PARD3: variants seen among roughly 807,000 people sequenced by gnomAD.
The protein encoded by PARD3 is par-3 family cell polarity regulator, also known as partitioning defective 3 homolog.
Under a neutral mutation model 155.4 loss-of-function variants are expected in PARD3, and 75 were observed. The observed-to-expected ratio is 0.48, with a 90% CI of 0.40 to 0.58. The LOEUF (loss-of-function observed/expected upper bound fraction) is 0.58. Ranked by LOEUF, PARD3 falls within the 20% of genes least tolerant of loss-of-function variation. The pLI, the probability that PARD3 is intolerant of heterozygous loss-of-function variation, is 0.00. For missense variants in PARD3, 1,642 were observed against 1,721.7 expected (o/e 0.95, Z 0.82); for synonymous variants, 576 against 610.5 (o/e 0.94, Z 0.83).
chr10:34,680,959 A>G (rs2133332473), intron 2 of PARD3, among the ~76,000 whole-genome samples: 1 of 151,304 alleles, frequency 6.6e-6, no homozygotes, highest in Non-Finnish European at 1.5e-5. Flanking sequence ...CAATGTGCAC[A>G]TGTACCCTAA....
intron 12 of PARD3, among the ~76,000 whole-genome samples, chr10:34,366,202 T>C (rs915034747): frequency 2.6e-5 from 4 of 152,198 alleles, no homozygotes; most frequent in Non-Finnish European, 4.4e-5. Context: ...CTTTTGATGG[T>C]GCCCATGAAA....
intron 7 of PARD3, among the ~76,000 whole-genome samples, chr10:34,395,880 C>T (rs1249071680): frequency 6.7e-6 from 1 of 150,266 alleles, no homozygotes; most frequent in Non-Finnish European, 1.5e-5. Flanking sequence ...AAAACATCAT[C>T]ATGGGGAAGA....
chr10:34,357,726 A>G (rs1327909593), intron 14 of PARD3, among the ~76,000 whole-genome samples: 1 of 152,170 alleles, frequency 6.6e-6, no homozygotes, highest in African/African-American at 2.4e-5. Flanking sequence ...CCACTCTGAG[A>G]TTTTTTAGTT....
chr10:34,532,552 A>G (rs1175589978), intron 2 of PARD3, among the ~76,000 whole-genome samples: 1 of 152,212 alleles, frequency 6.6e-6, no homozygotes. Flanking sequence ...CACTTTGTTA[A>G]TCTAATAAAG....
At chr10:34,575,025 C>T (rs545532081) in intron 2 of PARD3, among the ~76,000 whole-genome samples, 1 of 152,256 alleles carries the variant, frequency 6.6e-6, no homozygotes, top group East Asian at 1.9e-4. Context: ...CAGGGTCCTA[C>T]TCCGTCACCC....
chr10:34,545,002 T>C (rs1351204650), intron 2 of PARD3, among the ~76,000 whole-genome samples: 2 of 152,156 alleles, frequency 1.3e-5, no homozygotes, highest in African/African-American at 4.8e-5. Context: ...ACTCAATAAA[T>C]TGCCAAAGAA....
At chr10:34,699,864 G>C (rs1377305744) in intron 1 of PARD3, among the ~76,000 whole-genome samples, 10 of 152,102 alleles carry the variant, frequency 6.6e-5, no homozygotes, top group Admixed American at 6.5e-4. Context: ...AACAGAGTGA[G>C]GCCCCGTCTC....
intron 2 of PARD3, among the ~76,000 whole-genome samples, chr10:34,527,826 G>C (rs1316922327): frequency 6.6e-6 from 1 of 152,050 alleles, no homozygotes; most frequent in African/African-American, 2.4e-5. Flanking sequence ...CCCACCCAGG[G>C]GCAAAGATGA....
chr10:34,648,971 T>C (rs189711222), intron 2 of PARD3, among the ~76,000 whole-genome samples: 27 of 152,276 alleles, frequency 1.8e-4, no homozygotes, highest in Admixed American at 5.9e-4. Context: ...GTTTTAAATA[T>C]GGCTGTGGAG....
intron 22 of PARD3, among the ~76,000 whole-genome samples, chr10:34,253,970 G>A (rs1414918762): frequency 2.6e-5 from 4 of 152,120 alleles, no homozygotes; most frequent in East Asian, 3.9e-4. Context: ...GAAGTTACTC[G>A]GTGGGTACAG....
chr10:34,170,264 T>G (rs1257238046), intron 22 of PARD3, among the ~76,000 whole-genome samples: 3 of 152,086 alleles, frequency 2.0e-5, no homozygotes, highest in Non-Finnish European at 4.4e-5. Context: ...ATTTTAAAAT[T>G]TCTTGTAGAG....
intron 2 of PARD3, among the ~76,000 whole-genome samples, chr10:34,691,670 C>T (rs1365945564): frequency 6.6e-6 from 1 of 152,210 alleles, no homozygotes; most frequent in Non-Finnish European, 1.5e-5. Flanking sequence ...CTGGAGGCAT[C>T]ACATTACCCA....
chr10:34,777,129 G>A (rs896282079), intron 1 of PARD3, among the ~76,000 whole-genome samples: 3 of 151,622 alleles, frequency 2.0e-5, no homozygotes, highest in Admixed American at 2.0e-4. Context: ...GGGACTACAG[G>A]CGTGAGCCAC....
At chr10:34,590,446 G>A (rs1317209581) in intron 2 of PARD3, among the ~76,000 whole-genome samples, 5 of 152,168 alleles carry the variant, frequency 3.3e-5, no homozygotes, top group African/African-American at 1.2e-4. Context: ...AGCATTCACT[G>A]AAAACTGTAA....
chr10:34,411,662 T>G (rs1845069186), intron 5 of PARD3, among the ~76,000 whole-genome samples: 1 of 152,012 alleles, frequency 6.6e-6, no homozygotes, highest in African/African-American at 2.4e-5. Flanking sequence ...CTTTTCAGAC[T>G]TCATAATCAC....
chr10:34,605,980 CTATATATATATATCTCCTA>C (rs1352467860), intron 2 of PARD3, among the ~76,000 whole-genome samples: 22 of 912 alleles, frequency 0.024, 2 homozygotes, highest in Non-Finnish European at 0.033. Context: ...TCTATATCTC[CTATATATATATATCTCCTA>C]TATATATATA....
At chr10:34,183,138 C>T (rs1173903486) in intron 22 of PARD3, among the ~76,000 whole-genome samples, 2 of 152,332 alleles carry the variant, frequency 1.3e-5, no homozygotes, top group Non-Finnish European at 2.9e-5. Flanking sequence ...TCAAATAAAG[C>T]AGTGACTGAG....
intron 22 of PARD3, among the ~76,000 whole-genome samples, chr10:34,169,662 C>T (rs969249049): frequency 5.3e-5 from 8 of 152,090 alleles, no homozygotes; most frequent in East Asian, 1.9e-4. Context: ...GAGAAGGAAA[C>T]GATGAAGATG....
At chr10:34,196,817 C>A (rs530424018) in intron 22 of PARD3, among the ~76,000 whole-genome samples, 1 of 152,160 alleles carries the variant, frequency 6.6e-6, no homozygotes, top group South Asian at 2.1e-4. Context: ...TCATGATCCG[C>A]CCACCTTGGC....
Sources: gnomAD v4.1 joint callset for allele counts (sites outside exome capture counted in the v4.1 genomes callset) on GRCh38, gnomAD v4.1.1 for gene constraint, MANE v1.5 for transcripts, NCBI Gene and HGNC (gene_info 2026-07-23, HGNC 2026-07-21) for gene names.